Variants in SPATA16 observed in about 807,000 individuals in gnomAD.
The protein encoded by SPATA16 is spermatogenesis-associated protein 16.
SPATA16 carries 36 observed loss-of-function variants against 63.3 expected under a neutral mutation model. The ratio of observed to expected loss-of-function variants is 0.57; its 90% CI spans 0.44 to 0.75. SPATA16 has a LOEUF of 0.75. Among genes scored for constraint, SPATA16 ranks in the 30% least tolerant of loss-of-function variants. The pLI, the probability that SPATA16 is intolerant of heterozygous loss-of-function variation, is 0.00. For missense variants in SPATA16, 646 were observed against 679.3 expected, an observed-to-expected ratio of 0.95 and a Z score of 0.54; for synonymous variants, 203 against 216.7, an observed-to-expected ratio of 0.94 and a Z score of 0.56.
At chr3:173,115,919 G>A (rs1376433534) in intron 2 of SPATA16, among the ~76,000 whole-genome samples, 5 of 148,726 alleles carry the variant, frequency 3.4e-5, no homozygotes, top group Admixed American at 2.0e-4. Flanking sequence ...TTGACACAGA[G>A]TCTTACTCTG....
At chr3:173,029,129 CT>C (rs1373844146) in intron 3 of SPATA16, among the ~76,000 whole-genome samples, 2 of 152,016 alleles carry the variant, frequency 1.3e-5, no homozygotes, top group Non-Finnish European at 2.9e-5. Context: ...TTTCCTTTTA[CT>C]GGAAACATTT....
intron 4 of SPATA16, among the ~76,000 whole-genome samples, chr3:173,011,546 A>G (rs1303646791): frequency 6.6e-6 from 1 of 152,224 alleles, no homozygotes; most frequent in African/African-American, 2.4e-5. Context: ...ATTCCCCTTA[A>G]GAAAAGGAAG....
intron 4 of SPATA16, among the ~76,000 whole-genome samples, chr3:172,989,386 G>C (rs115403426): frequency 1.3e-5 from 2 of 152,218 alleles, no homozygotes; most frequent in South Asian, 2.1e-4. Context: ...TTGCACATTC[G>C]TGTTTCATTG....
intron 2 of SPATA16, among the ~76,000 whole-genome samples, chr3:173,071,826 A>C (rs1736681611): frequency 6.6e-6 from 1 of 152,240 alleles, no homozygotes; most frequent in African/African-American, 2.4e-5. Context: ...GCTCAACGTC[A>C]CTAATCATCA....
chr3:173,047,056 G>C (rs889603153), intron 3 of SPATA16, among the ~76,000 whole-genome samples: 3 of 151,870 alleles, frequency 2.0e-5, no homozygotes, highest in African/African-American at 4.8e-5. Flanking sequence ...TCAAGGTCTT[G>C]AAAAAGCATT....
chr3:172,999,706 G>T (rs565196835), intron 4 of SPATA16, among the ~76,000 whole-genome samples: 3 of 152,100 alleles, frequency 2.0e-5, no homozygotes, highest in Non-Finnish European at 2.9e-5. Flanking sequence ...GAGCCACTGC[G>T]CCTGGCCCCC....
At chr3:173,096,323 T>A (rs1036085964) in intron 2 of SPATA16, among the ~76,000 whole-genome samples, 6 of 152,082 alleles carry the variant, frequency 3.9e-5, no homozygotes, top group African/African-American at 1.4e-4. Flanking sequence ...CAGAATTACA[T>A]AGGGGAAAAC....
chr3:172,922,784 A>C (rs945795906), intron 8 of SPATA16, among the ~76,000 whole-genome samples: 1 of 152,100 alleles, frequency 6.6e-6, no homozygotes, highest in Admixed American at 6.5e-5. Flanking sequence ...TTAGCTAGGC[A>C]TGGTGGCACA....
At chr3:173,012,105 A>G (rs548281938) in intron 4 of SPATA16, among the ~76,000 whole-genome samples, 2 of 152,352 alleles carry the variant, frequency 1.3e-5, no homozygotes, top group South Asian at 4.1e-4. Context: ...GATTACAGAC[A>G]TGAGTCACCA....
chr3:173,076,301 C>G (rs987763168), intron 2 of SPATA16, among the ~76,000 whole-genome samples: 16 of 151,908 alleles, frequency 1.1e-4, no homozygotes, highest in African/African-American at 3.6e-4. Context: ...TTGTGAATGC[C>G]AAGAGAATTA....
rs559449235 is a variant in SPATA16, at chr3:173,063,022, C to T, written c.613-13928G>A. ...GTGCGGCCCTGTTCCTAGCAGGCCA[C>T]GATTGGGGACCCCTGTCTTAGAGGA... On this transcript the variant is annotated intron_variant, in intron 2 of 10. Coordinates refer to ENST00000351008, the MANE Select transcript of SPATA16 (RefSeq NM_031955.6). Among the ~76,000 whole-genome samples the T allele has an allele frequency of 6.6e-5, 10 of 152,302 alleles. No homozygotes were observed. In the East Asian group the frequency reaches 7.7e-4, roughly 12 times the overall value.
chr3:173,077,902 A>G (rs1374623940), intron 2 of SPATA16, among the ~76,000 whole-genome samples: 1 of 152,184 alleles, frequency 6.6e-6, no homozygotes, highest in Non-Finnish European at 1.5e-5. Context: ...GAGAAAATGT[A>G]TGAAGAAAAT....
chr3:173,013,709 G>T (rs1159253622), intron 4 of SPATA16, among the ~76,000 whole-genome samples: 1 of 152,166 alleles, frequency 6.6e-6, no homozygotes. Context: ...CCTTCACTAT[G>T]GCACCCAGGT....
intron 6 of SPATA16, among the ~76,000 whole-genome samples, chr3:172,936,993 T>G (rs867770614): frequency 1.3e-5 from 2 of 152,160 alleles, no homozygotes; most frequent in African/African-American, 4.8e-5. Context: ...TTATTATAAC[T>G]GGTATCTAAA....
intron 4 of SPATA16, among the ~76,000 whole-genome samples, chr3:173,017,656 A>G (rs1449621538): frequency 6.6e-6 from 1 of 152,142 alleles, no homozygotes; most frequent in African/African-American, 2.4e-5. Context: ...ATATTTAACA[A>G]TTTGATCTTT....
intron 6 of SPATA16, among the ~76,000 whole-genome samples, chr3:172,952,613 G>A (rs1287814950): frequency 3.9e-5 from 6 of 152,016 alleles, no homozygotes; most frequent in Non-Finnish European, 7.4e-5. Flanking sequence ...AAGGGAGGCT[G>A]GAAATGGATT....
chr3:173,111,615 C>G (rs1737751368), intron 2 of SPATA16, among the ~76,000 whole-genome samples: 2 of 152,282 alleles, frequency 1.3e-5, no homozygotes, highest in South Asian at 4.2e-4. Flanking sequence ...CTGAGATATC[C>G]ACATTTTTGT....
intron 2 of SPATA16, among the ~76,000 whole-genome samples, chr3:173,090,535 G>T (rs1373291979): frequency 6.6e-6 from 1 of 152,150 alleles, no homozygotes; most frequent in Non-Finnish European, 1.5e-5. Context: ...CAGAAATAGG[G>T]TAACATAATT....
At chr3:172,905,686 T>A (rs57636901) in intron 10 of SPATA16, among the ~76,000 whole-genome samples, 14,815 of 152,180 alleles carry the variant, frequency 0.097, 825 homozygotes, top group African/African-American at 0.15. Flanking sequence ...TAAGTATGAT[T>A]CATAAGTTAA....
Sources: gnomAD v4.1 joint callset for allele counts (sites outside exome capture counted in the v4.1 genomes callset) on GRCh38, gnomAD v4.1.1 for gene constraint, MANE v1.5 for transcripts, NCBI Gene and HGNC (gene_info 2026-07-23, HGNC 2026-07-21) for gene names.